Variants in FYTTD1 observed in about 807,000 individuals in gnomAD.
FYTTD1 encodes the protein UAP56-interacting factor.
FYTTD1 carries 22 observed loss-of-function variants against 40.9 expected under a neutral mutation model. The ratio of observed to expected loss-of-function variants is 0.54; its 90% CI spans 0.38 to 0.77. The LOEUF (loss-of-function observed/expected upper bound fraction) is 0.77. Among genes scored for constraint, FYTTD1 ranks in the 30% least tolerant of loss-of-function variants. The pLI, the probability that FYTTD1 is intolerant of heterozygous loss-of-function variation, is 0.00. For synonymous variants in FYTTD1, 140 were observed against 137.9 expected, an observed-to-expected ratio of 1.01 and a Z score of -0.10; for missense variants, 351 against 392.2, an observed-to-expected ratio of 0.90 and a Z score of 0.89.
At chr3:197,778,205 CTT>C in intron 7 of FYTTD1, 131 bp from the exon 8 acceptor site, 2 of 584,530 alleles carry the variant, frequency 3.4e-6, no homozygotes, top group Middle Eastern at 4.3e-4. Context: ...GCCAGTGAAA[CTT>C]TTTTTTTGAG....
At chr3:197,756,605 C>G in intron 2 of FYTTD1, 48 bp downstream of exon 2, 9 of 1,534,986 alleles carry the variant, frequency 5.9e-6, no homozygotes, top group South Asian at 1.1e-5. Flanking sequence ...TTTGTGTGTT[C>G]ATAGTGTACT....
intron 2 of FYTTD1, among the ~76,000 whole-genome samples, chr3:197,765,693 CTG>C (rs1729523023): frequency 6.6e-6 from 1 of 151,836 alleles, no homozygotes; most frequent in African/African-American, 2.4e-5. Context: ...GAAACCCTGT[CTG>C]TACTAAAAAT....
At chr3:197,752,484 A>G (rs896511538) in intron 1 of FYTTD1, among the ~76,000 whole-genome samples, 3 of 152,146 alleles carry the variant, frequency 2.0e-5, no homozygotes, top group African/African-American at 7.2e-5. Context: ...GTCTGTATGT[A>G]TGCTTTTATT....
rs1730039873 is a variant in FYTTD1 at position 197,781,952 on chromosome 3, T to G, written c.*43T>G. ...CTTTTGAGTGATGACTCTGAGAAGT[T>G]GAATTGCTTGAAGAGTTCATCACGG... On this transcript the variant is annotated 3_prime_UTR_variant, in exon 9 of 9. Coordinates refer to ENST00000241502, the MANE Select transcript of FYTTD1 (RefSeq NM_032288.7). 4.1e-6 allele frequency: 5 copies of G among 1,208,260 alleles called. No individual in the cohort carries two copies. The highest frequency in any genetic ancestry group is 5.9e-6 in the Non-Finnish European group (5 of 848,374). The allele number at this position is 1,208,260 out of a possible 1,614,324, so 74.8% of individuals were successfully genotyped here.
At chr3:197,749,818 G>GGCCCC (rs956200210), upstream of FYTTD1, 64 of 475,918 alleles carry the variant, frequency 1.3e-4, no homozygotes, top group African/African-American at 5.4e-4. Flanking sequence ...GAGTGTCGGT[G>GGCCCC]GCCCCGCCCC....
In FYTTD1 at chr3:197,784,206, CTG is replaced by C. The variant is rs1730103977; in HGVS notation, c.*2299_*2300del. 6.6e-6 allele frequency: 1 copy of C among 152,514 alleles called. No homozygotes were observed. The highest frequency in any genetic ancestry group is 1.9e-4 in the East Asian group (1 of 5,200). 9.4% of individuals were successfully genotyped at this position (152,514 alleles called of 1,614,324 possible). A position where few individuals can be genotyped will look rare whatever the true frequency, so the allele number is the denominator to read the frequency against. On this transcript the variant is annotated 3_prime_UTR_variant, in exon 9 of 9. Transcript: ENST00000241502. ...GTATTTAACGAGGAGGTGCTTTACA[CTG>C]TACTTTTTGGTGTTTTTTGGAAAAG...
chr3:197,752,096 G>A (rs1430069191), intron 1 of FYTTD1, among the ~76,000 whole-genome samples: 1 of 152,170 alleles, frequency 6.6e-6, no homozygotes. Flanking sequence ...GGCTGGTCTC[G>A]AACTCCTGAC....
chr3:197,773,871 AC>A (rs1016444681), intron 5 of FYTTD1, among the ~76,000 whole-genome samples: 2 of 144,534 alleles, frequency 1.4e-5, no homozygotes, highest in African/African-American at 5.7e-5. Flanking sequence ...GCACTCACGC[AC>A]ACGCCCCACT....
intron 2 of FYTTD1, among the ~76,000 whole-genome samples, chr3:197,761,108 CTGTATAGAGTGTTCTTCAGTGGTAGAA>C: frequency 8.0e-6 from 1 of 124,986 alleles, no homozygotes; most frequent in Non-Finnish European, 1.6e-5. Flanking sequence ...CAGTGGTAGA[CTGTATAGAGTGTTCTTCAGTGGTAGAA>C]TGTATAGAGT....
chr3:197,762,184 G>T (rs1729408012), intron 2 of FYTTD1, among the ~76,000 whole-genome samples: 1 of 152,042 alleles, frequency 6.6e-6, no homozygotes, highest in South Asian at 2.1e-4. Flanking sequence ...CAAACATTCA[G>T]TCCTTAACAA....
At chr3:197,777,384 G>T (rs776683545) in intron 7 of FYTTD1, among the ~76,000 whole-genome samples, 1 of 151,924 alleles carries the variant, frequency 6.6e-6, no homozygotes, top group Non-Finnish European at 1.5e-5. Context: ...AGCCTCCCGA[G>T]TCCTGAGGAG....
At chr3:197,766,263 A>G (rs1326334637) in intron 2 of FYTTD1, among the ~76,000 whole-genome samples, 1 of 152,128 alleles carries the variant, frequency 6.6e-6, no homozygotes, top group East Asian at 1.9e-4. Flanking sequence ...GTTTAAAAAT[A>G]TATCTGTGGT....
At chr3:197,762,105 C>A (rs1053316480) in intron 2 of FYTTD1, among the ~76,000 whole-genome samples, 2 of 152,146 alleles carry the variant, frequency 1.3e-5, no homozygotes, top group Admixed American at 6.5e-5. Flanking sequence ...CTTTACCTCC[C>A]AAAGCCCTCT....
intron 8 of FYTTD1, among the ~76,000 whole-genome samples, chr3:197,781,454 T>C (rs900187181): frequency 9.2e-5 from 14 of 152,210 alleles, no homozygotes; most frequent in African/African-American, 3.4e-4. Flanking sequence ...TTGATTTGAA[T>C]TTCTGTGTTG....
At chr3:197,750,887 A>G in intron 1 of FYTTD1, 1 of 979,854 alleles carries the variant, frequency 1.0e-6, no homozygotes, top group Non-Finnish European at 1.2e-6. Context: ...TTATATAAAA[A>G]CCGGGAGGTT....
At chr3:197,763,933 CTTT>C (rs1205219376) in intron 2 of FYTTD1, among the ~76,000 whole-genome samples, 1 of 152,190 alleles carries the variant, frequency 6.6e-6, no homozygotes, top group African/African-American at 2.4e-5. Flanking sequence ...ACCTGCGGAG[CTTT>C]GTGAACTAGA....
At chr3:197,766,230 C>T (rs1312429697) in intron 2 of FYTTD1, among the ~76,000 whole-genome samples, 4 of 151,432 alleles carry the variant, frequency 2.6e-5, no homozygotes, top group Non-Finnish European at 5.9e-5. Flanking sequence ...AAACTCACAT[C>T]TTCAGAAAAT....
chr3:197,756,689 T>A (rs2109037358), intron 2 of FYTTD1, 132 bp downstream of exon 2: 1 of 840,212 alleles, frequency 1.2e-6, no homozygotes, highest in Non-Finnish European at 1.9e-6. Context: ...ATGCCTAGGT[T>A]TTTGTTTAGA....
chr3:197,766,609 A>G (rs1484007604), intron 2 of FYTTD1, among the ~76,000 whole-genome samples: 1 of 151,688 alleles, frequency 6.6e-6, no homozygotes, highest in Non-Finnish European at 1.5e-5. Context: ...CACCTGGCTA[A>G]TTTTTGTATT....
Sources: allele counts gnomAD v4.1 joint callset (sites outside exome capture counted in the v4.1 genomes callset), GRCh38; gene constraint gnomAD v4.1.1; transcripts MANE v1.5; gene names NCBI Gene and HGNC (gene_info 2026-07-23, HGNC 2026-07-21).